Variants in CCNY observed in about 807,000 individuals in gnomAD.
CCNY encodes the protein cyclin Y.
Under a neutral mutation model 42.8 loss-of-function variants are expected in CCNY, and 19 were observed. The ratio of observed to expected loss-of-function variants is 0.44; its 90% CI spans 0.31 to 0.65. CCNY has a LOEUF of 0.65. Among genes scored for constraint, CCNY ranks in the 30% least tolerant of loss-of-function variants. The probability of loss-of-function intolerance (pLI) is 0.07; values close to 1 mark genes in which losing one functional copy is unlikely to be tolerated. For missense variants in CCNY, 370 were observed against 437.3 expected, an observed-to-expected ratio of 0.85 and a Z score of 1.37; for synonymous variants, 165 against 162.7, an observed-to-expected ratio of 1.01 and a Z score of -0.11.
intron 3 of CCNY, among the ~76,000 whole-genome samples, chr10:35,514,286 T>C (rs1471760071): frequency 6.6e-6 from 1 of 152,186 alleles, no homozygotes; most frequent in Non-Finnish European, 1.5e-5. Flanking sequence ...AAAATCTTTA[T>C]AACTCAATAC....
intron 3 of CCNY, among the ~76,000 whole-genome samples, chr10:35,278,164 C>T (rs1835260021): frequency 6.6e-6 from 1 of 152,064 alleles, no homozygotes; most frequent in African/African-American, 2.4e-5. Context: ...GTCTTCCAGC[C>T]TCTGCTGACC....
At chr10:35,538,086 G>A (rs1458237507) in intron 7 of CCNY, among the ~76,000 whole-genome samples, 1 of 152,056 alleles carries the variant, frequency 6.6e-6, no homozygotes, top group East Asian at 1.9e-4. Flanking sequence ...TTTTATAAGG[G>A]GAAACTCCTT....
At chr10:35,252,260 G>A (rs1295924618) in intron 3 of CCNY, among the ~76,000 whole-genome samples, 3 of 151,996 alleles carry the variant, frequency 2.0e-5, no homozygotes, top group Non-Finnish European at 4.4e-5. Flanking sequence ...CAGTTAAATG[G>A]GTTTTGAAAT....
At chr10:35,438,916 A>G (rs929961854) in intron 1 of CCNY, among the ~76,000 whole-genome samples, 1 of 152,096 alleles carries the variant, frequency 6.6e-6, no homozygotes, top group African/African-American at 2.4e-5. Context: ...CCTTAATGAT[A>G]TTTTTGCTGA....
At chr10:35,419,533 C>CTTTTTTTTTTTTTTTTTTT (rs34429228) in intron 1 of CCNY, among the ~76,000 whole-genome samples, 12 of 129,682 alleles carry the variant, frequency 9.3e-5, no homozygotes, top group African/African-American at 2.8e-4. Context: ...TAGACCGTTC[C>CTTTTTTTTTTTTTTTTTTT]TTTTTTTTTT....
intron 3 of CCNY, among the ~76,000 whole-genome samples, chr10:35,271,350 A>G (rs12240974): frequency 0.027 from 4,084 of 152,278 alleles, 172 homozygotes; most frequent in African/African-American, 0.093. Context: ...CCTGAGAGTT[A>G]AAAACTTCAG....
At chr10:35,469,665 G>T (rs1311636826) in intron 1 of CCNY, among the ~76,000 whole-genome samples, 1 of 151,558 alleles carries the variant, frequency 6.6e-6, no homozygotes, top group African/African-American at 2.4e-5. Context: ...TGGAGAGTCA[G>T]ACGGGAGATG....
At chr10:35,368,383 A>T (rs1394108776) in intron 1 of CCNY, among the ~76,000 whole-genome samples, 2 of 152,214 alleles carry the variant, frequency 1.3e-5, no homozygotes, top group Non-Finnish European at 2.9e-5. Context: ...GGAAAAAAGC[A>T]TTTTCAGCTG....
chr10:35,474,112 G>A (rs943999648), intron 1 of CCNY, among the ~76,000 whole-genome samples: 18 of 152,214 alleles, frequency 1.2e-4, no homozygotes, highest in African/African-American at 4.1e-4. Context: ...GGCGCACCAC[G>A]AGATTATATC....
At chr10:35,471,789 A>G (rs1469720307) in intron 1 of CCNY, among the ~76,000 whole-genome samples, 1 of 152,180 alleles carries the variant, frequency 6.6e-6, no homozygotes, top group Non-Finnish European at 1.5e-5. Context: ...AAAATAGGCT[A>G]AGACTCTGCT....
At chr10:35,362,882 G>A (rs1486688477) in intron 1 of CCNY, among the ~76,000 whole-genome samples, 2 of 150,602 alleles carry the variant, frequency 1.3e-5, no homozygotes, top group Non-Finnish European at 3.0e-5. Context: ...CCAGGCAGAG[G>A]TACTCCTTGC....
intron 3 of CCNY, among the ~76,000 whole-genome samples, chr10:35,291,800 G>T (rs1405353122): frequency 6.6e-6 from 1 of 152,176 alleles, no homozygotes; most frequent in Admixed American, 6.5e-5. Flanking sequence ...CTCCCAAAGT[G>T]CTGGGATTAC....
At chr10:35,420,991 G>A (rs1035737225) in intron 1 of CCNY, among the ~76,000 whole-genome samples, 8 of 152,142 alleles carry the variant, frequency 5.3e-5, no homozygotes, top group South Asian at 2.1e-4. Flanking sequence ...GTAAATTTGC[G>A]TACTTAACAT....
At chr10:35,484,063 C>T (rs1589151557) in intron 2 of CCNY, among the ~76,000 whole-genome samples, 1 of 152,128 alleles carries the variant, frequency 6.6e-6, no homozygotes, top group East Asian at 1.9e-4. Flanking sequence ...TTTTCAGCCC[C>T]CTCCCTGGGC....
intron 8 of CCNY, among the ~76,000 whole-genome samples, chr10:35,558,449 T>C (rs1400223166): frequency 6.6e-6 from 1 of 152,222 alleles, no homozygotes; most frequent in Non-Finnish European, 1.5e-5. Context: ...ATAAATTGAA[T>C]GCATATCCCA....
Position 35,530,349 on chromosome 10 carries a change from A to G in CCNY, c.579+106A>G. On this transcript the variant is annotated intron_variant, in intron 7 of 9. Transcript: ENST00000374704. The surrounding 1 kb of genome is among the most constrained non-coding windows in gnomAD (Gnocchi z 4.3). ...TGGAGCAGGGAATCCTCACCAGGTT[A>G]CCCTGTGGACACCGTGGCATAAGCT... is the stretch of plus-strand genomic sequence containing the variant. 7.4e-7 allele frequency: 1 copy of G among 1,359,792 alleles called. No homozygotes were observed. Among genetic ancestry groups the G allele is most frequent in the East Asian group, 2.4e-5 (1 of 41,470 alleles). The allele number at this position is 1,359,792 out of a possible 1,614,324, so 84.2% of individuals were successfully genotyped here.
In CCNY at chr10:35,278,036, G is replaced by C. The variant is rs573408112; in HGVS notation, c.-9+27410G>C. ...GGAAGGGTGAGCCTGGAGGTGCTTG[G>C]GTGGTCAGGTGAGGGGAAAGAGGGG... On this transcript the variant is annotated intron_variant, in intron 3 of 11. Transcript: ENST00000374706. Among the ~76,000 whole-genome samples the C allele has an allele frequency of 1.4e-4, 22 of 152,170 alleles. No homozygotes were observed. In the East Asian group the frequency reaches 3.7e-3, roughly 26 times the overall value.
rs767402411 is a variant in CCNY, at chr10:35,569,507, G to C, written c.*337G>C. On this transcript the variant is annotated 3_prime_UTR_variant, in exon 10 of 10. Coordinates refer to ENST00000374704, the MANE Select transcript of CCNY (RefSeq NM_145012.6). ...GGCCCTCTGGAGTCCCCATGGGGGC[G>C]GTAGCTGAAGTTGGCGAGCGCAGCG... The C allele has an allele frequency of 3.1e-6, 1 of 321,472 alleles. No homozygotes were observed. The highest frequency in any genetic ancestry group is 9.9e-4 in the Middle Eastern group (1 of 1,014). 19.9% of individuals were successfully genotyped at this position (321,472 alleles called of 1,614,324 possible). A position where few individuals can be genotyped will look rare whatever the true frequency, so the allele number is the denominator to read the frequency against.
chr10:35,414,346 A>T (rs10827502), intron 1 of CCNY, among the ~76,000 whole-genome samples: 5 of 152,096 alleles, frequency 3.3e-5, no homozygotes, highest in African/African-American at 1.2e-4. Flanking sequence ...TATGAGACTG[A>T]GGGCCACAGT....
Sources: gnomAD v4.1 joint callset for allele counts (sites outside exome capture counted in the v4.1 genomes callset) on GRCh38, gnomAD v4.1.1 for gene constraint, Gnocchi (gnomAD v3.1) non-coding constraint, MANE v1.5 for transcripts, NCBI Gene and HGNC (gene_info 2026-07-23, HGNC 2026-07-21) for gene names.